Variants in ACTN4 observed in about 807,000 individuals in gnomAD.
ACTN4 encodes alpha-actinin-4.
Under a neutral mutation model 114.2 loss-of-function variants are expected in ACTN4, and 18 were observed. That is an observed-to-expected ratio of 0.16 (90% CI 0.11 to 0.23). The LOEUF (loss-of-function observed/expected upper bound fraction) is 0.23, where lower values mean the gene tolerates loss of function less well. ACTN4 is among the 10% of genes least tolerant of loss of function. The pLI is 1.00. For synonymous variants in ACTN4, 515 were observed against 506.3 expected (o/e 1.02, Z -0.23); for missense variants, 722 against 1,262.9 (o/e 0.57, Z 6.49).
intron 7 of ACTN4, 49 bp from the exon 8 acceptor site, chr19:38,710,208 C>T: frequency 6.2e-7 from 1 of 1,605,108 alleles, no homozygotes; most frequent in Middle Eastern, 1.7e-4. Flanking sequence ...AGTGACGCCT[C>T]CACCCCCCGC....
intron 1 of ACTN4, among the ~76,000 whole-genome samples, chr19:38,685,286 G>A (rs752126955): frequency 6.6e-6 from 1 of 152,160 alleles, no homozygotes; most frequent in African/African-American, 2.4e-5. Flanking sequence ...TAGTGCTTGG[G>A]AGCCAACACC....
In ACTN4 at chr19:38,673,674, T is replaced by TTATATATATTA. The variant is rs549326584; in HGVS notation, c.162+25774_162+25775insATTATATATAT. Among the ~76,000 whole-genome samples the TTATATATATTA allele has an allele frequency of 4.4e-5, 3 of 67,598 alleles. 1 individual carries two copies. Among genetic ancestry groups the TTATATATATTA allele is most frequent in the African/African-American group, 2.5e-4 (3 of 12,222 alleles). 44.3% of individuals were successfully genotyped at this position (67,598 alleles called of 152,430 possible). On this transcript the variant is annotated intron_variant, in intron 1 of 20. Transcript: ENST00000252699. ...ATATATTTATATATATTATATATAT[T>TTATATATATTA]TATATATTTATATATATTATATATA...
intron 1 of ACTN4, among the ~76,000 whole-genome samples, chr19:38,672,366 G>A (rs966471128): frequency 2.7e-5 from 4 of 148,028 alleles, no homozygotes; most frequent in African/African-American, 9.9e-5. Context: ...TCAGCCTCCT[G>A]AGTAGCTGGG....
rs759092967 is a variant in ACTN4, at chr19:38,730,202, A to ATTTAC, written c.*775_*779dup. The ATTTAC allele has an allele frequency of 2.1e-4, 33 of 157,146 alleles. No individual in the cohort carries two copies. The highest frequency in any genetic ancestry group is 5.5e-4 in the Admixed American group (9 of 16,302). 9.7% of individuals were successfully genotyped at this position (157,146 alleles called of 1,614,324 possible). The stretch of plus-strand genomic sequence containing the variant: ...AATTAAAAACTTTCAGAGAATTACT[A>ATTTAC]TTTACTTTATTAACTTACGGATTTA... On this transcript the variant is annotated 3_prime_UTR_variant, in exon 21 of 21. Coordinates refer to ENST00000252699, the MANE Select transcript of ACTN4 (RefSeq NM_004924.6).
intron 1 of ACTN4, among the ~76,000 whole-genome samples, chr19:38,649,272 TG>T (rs66959926): frequency 0.087 from 5,209 of 59,578 alleles, 192 homozygotes; most frequent in Middle Eastern, 0.16. Context: ...TCAGTGTCTG[TG>T]GGGGGGGGAT....
intron 17 of ACTN4, 98 bp downstream of exon 17, chr19:38,726,001 G>A: frequency 6.7e-7 from 1 of 1,488,248 alleles, no homozygotes; most frequent in South Asian, 1.1e-5. Context: ...TCTGCTGTCT[G>A]TTGTTTTTCA....
chr19:38,726,055 A>C, intron 17 of ACTN4, 152 bp downstream of exon 17: 1 of 1,064,036 alleles, frequency 9.4e-7, no homozygotes, highest in Non-Finnish European at 1.4e-6. Flanking sequence ...TTGGGAGGCC[A>C]AGTGGGAGGA....
At chr19:38,672,566 CTTTG>C (rs556438140) in intron 1 of ACTN4, among the ~76,000 whole-genome samples, 11 of 150,812 alleles carry the variant, frequency 7.3e-5, no homozygotes, top group African/African-American at 9.8e-5. Context: ...GATCTATGTT[CTTTG>C]TTTGTTTGTT....
At chr19:38,708,292 C>G in intron 6 of ACTN4, 97 bp downstream of exon 6, 3 of 1,383,756 alleles carry the variant, frequency 2.2e-6, no homozygotes, top group Non-Finnish European at 1.0e-6. Flanking sequence ...TCGCCAGCCT[C>G]CAGATCTGGG....
At position 38,731,028 on chromosome 19, in the gene ACTN4, G is replaced by A. The variant is rs1242947619; in HGVS notation, c.*1596G>A. The A allele has an allele frequency of 5.1e-6, 8 of 1,555,056 alleles. No homozygotes were observed. The highest frequency in any genetic ancestry group is 1.7e-4 in the Middle Eastern group (1 of 5,944). ...CCAGGTGCTGGCTGCAGTGGCCTGT[G>A]CAGAGAGGGGCAGGGTGAGTGCCCA... On this transcript the variant is annotated 3_prime_UTR_variant, in exon 21 of 21. Coordinates refer to ENST00000252699, the MANE Select transcript of ACTN4 (RefSeq NM_004924.6).
At chr19:38,704,076 G>A (rs546660679) in intron 3 of ACTN4, among the ~76,000 whole-genome samples, 21 of 152,334 alleles carry the variant, frequency 1.4e-4, no homozygotes, top group Admixed American at 8.5e-4. Context: ...ACTTTGGGAG[G>A]CCAAGGCAGG....
chr19:38,664,378 C>T (rs887823398), intron 1 of ACTN4, among the ~76,000 whole-genome samples: 3 of 151,992 alleles, frequency 2.0e-5, no homozygotes, highest in Admixed American at 6.6e-5. Context: ...ACCGACAAAC[C>T]GAGTTGCATT....
chr19:38,703,658 G>T (rs1968358398), intron 3 of ACTN4, among the ~76,000 whole-genome samples: 1 of 152,196 alleles, frequency 6.6e-6, no homozygotes, highest in Non-Finnish European at 1.5e-5. Context: ...TCCAGGCACT[G>T]GATCCAGTGG....
chr19:38,683,499 G>GT (rs1967642728), intron 1 of ACTN4, among the ~76,000 whole-genome samples: 1 of 152,200 alleles, frequency 6.6e-6, no homozygotes, highest in African/African-American at 2.4e-5. Flanking sequence ...CTAGGCCATT[G>GT]GTGGGAGGGA....
At position 38,647,668 on chromosome 19, in the gene ACTN4, T is replaced by TAGCGGCGGCGGC; in HGVS notation, c.-77_-66dup. 2 of 1,474,346 alleles carry TAGCGGCGGCGGC rather than the reference T, an allele frequency of 1.4e-6. No homozygotes were observed. The highest frequency in any genetic ancestry group is 1.8e-6 in the Non-Finnish European group (2 of 1,110,780). 91.3% of individuals were successfully genotyped at this position (1,474,346 alleles called of 1,614,324 possible). ...CGGGCTGAAGCAGCTGAAGCGGCGG[T>TAGCGGCGGCGGC]AGCGGCGGCGGCTCGGGCAGAGGGG... On this transcript the variant is annotated 5_prime_UTR_variant, in exon 1 of 21. Coordinates refer to ENST00000252699, the MANE Select transcript of ACTN4 (RefSeq NM_004924.6).
chr19:38,685,266 T>C (rs1225109247), intron 1 of ACTN4, among the ~76,000 whole-genome samples: 1 of 152,180 alleles, frequency 6.6e-6, no homozygotes, highest in Non-Finnish European at 1.5e-5. Flanking sequence ...TTGTGTACCC[T>C]ACACCATCCT....
intron 1 of ACTN4, among the ~76,000 whole-genome samples, chr19:38,675,615 G>A (rs1275788209): frequency 1.3e-5 from 2 of 152,202 alleles, no homozygotes; most frequent in South Asian, 2.1e-4. Flanking sequence ...GTTCTTGATC[G>A]CTGGCTGTGG....
intron 1 of ACTN4, among the ~76,000 whole-genome samples, chr19:38,689,004 T>TGGGC (rs1967835207): frequency 1.3e-5 from 2 of 152,176 alleles, no homozygotes; most frequent in African/African-American, 4.8e-5. Context: ...ATTACAGGCA[T>TGGGC]GAGCCACCAC....
chr19:38,654,429 G>T (rs192127561), intron 1 of ACTN4, among the ~76,000 whole-genome samples: 1 of 152,176 alleles, frequency 6.6e-6, no homozygotes, highest in Admixed American at 6.5e-5. Context: ...GGGCACGGTG[G>T]TGCACCCCTG....
Sources: gnomAD v4.1 joint callset for allele counts (sites outside exome capture counted in the v4.1 genomes callset) on GRCh38, gnomAD v4.1.1 for gene constraint, MANE v1.5 for transcripts, NCBI Gene and HGNC (gene_info 2026-07-23, HGNC 2026-07-21) for gene names.